GSDMB: variants seen among roughly 807,000 people sequenced by gnomAD.
GSDMB encodes gasdermin-B.
GSDMB carries 32 observed loss-of-function variants against 42.9 expected under a neutral mutation model. The observed-to-expected ratio is 0.75, with a 90% CI of 0.56 to 1.00. The LOEUF is 1.00. GSDMB is among the 50% of genes least tolerant of loss of function. GSDMB has a pLI of 0.00. For synonymous variants in GSDMB, 175 were observed against 193.7 expected, an observed-to-expected ratio of 0.90 and a Z score of 0.80; for missense variants, 468 against 498.5, an observed-to-expected ratio of 0.94 and a Z score of 0.58.
At chr17:39,912,280 G>C (rs1252954268) in intron 3 of GSDMB, 46 bp downstream of exon 3, 1 of 1,444,056 alleles carries the variant, frequency 6.9e-7, no homozygotes, top group Non-Finnish European at 9.6e-7. Context: ...TGGTGCCCAA[G>C]ATGGGCTTCT....
At position 39,917,086 on chromosome 17, in the gene GSDMB, G is replaced by A; in HGVS notation, c.231C>T (p.Leu77=). Residue 77 remains leucine, a synonymous_variant, in exon 2 of 11, where the codon CTC becomes CTT. Coordinates refer to ENST00000418519, the MANE Select transcript of GSDMB (RefSeq NM_001165958.2). ...DKWLDELDSG[L]QGQKAEFQIL... ...TGTCATCTACCTTATACTGACCTTG[G>A]AGCCCAGAATCCAGTTCATCTAACC... 2 of 1,610,910 alleles carry A rather than the reference G, an allele frequency of 1.2e-6. No individual in the cohort carries two copies. Among genetic ancestry groups the A allele is most frequent in the Admixed American group, 1.7e-5 (1 of 60,024 alleles).
At chr17:39,913,255 T>C (rs561118115) in intron 2 of GSDMB, among the ~76,000 whole-genome samples, 1 of 152,340 alleles carries the variant, frequency 6.6e-6, no homozygotes, top group South Asian at 2.1e-4. Flanking sequence ...GCCAGTCTTG[T>C]AGGCTGAAAC....
chr17:39,918,012 A>T (rs1422860296), intron 1 of GSDMB: 4 of 152,364 alleles, frequency 2.6e-5, no homozygotes, highest in Middle Eastern at 3.4e-3. Flanking sequence ...CCAAATAGAG[A>T]AAGTGAGACC....
chr17:39,917,582 T>TCCCCCCC lies in GSDMB; in HGVS notation c.-14-253_-14-252insGGGGGGG, dbSNP rs1270162211. On this transcript the variant is annotated intron_variant, in intron 1 of 10. Transcript: ENST00000418519. ...TGCCCCACCCTGATACAATATAGTC[T>TCCCCCCC]CCCCGCCGCCGCCCTTAAGAAGGTA... 13 of 368,052 alleles carry TCCCCCCC rather than the reference T, an allele frequency of 3.5e-5. No homozygotes were observed. In the African/African-American group the frequency reaches 5.9e-4, roughly 17 times the overall value. The allele number at this position is 368,052 out of a possible 1,614,324, so 22.8% of individuals were successfully genotyped here.
Position 39,906,975 on chromosome 17 carries a change from GCACCATCCTTCTCT to G in GSDMB, c.701-2_712del, listed in dbSNP as rs2063515964. ...ATCACCCTTACCTAAACAGGATGAA[GCACCATCCTTCTCT>G]GCAGAGAGAGGAAGAGTTATTTCAG... On this transcript the variant is annotated splice_acceptor_variant and coding_sequence_variant, in exon 7 of 11. Transcript: ENST00000418519. LOFTEE classifies it high-confidence loss of function. The G allele has an allele frequency of 6.2e-7, 1 of 1,613,878 alleles. No individual in the cohort carries two copies. Among genetic ancestry groups the G allele is most frequent in the Non-Finnish European group, 8.5e-7 (1 of 1,179,942 alleles).
chr17:39,908,080 A>ACATC, intron 6 of GSDMB, 96 bp downstream of exon 6: 1 of 771,266 alleles, frequency 1.3e-6, no homozygotes, highest in Non-Finnish European at 2.3e-6. Context: ...GCGTCTTACC[A>ACATC]CATCCTCGGA....
In GSDMB at chr17:39,909,799, A is replaced by T. The variant is rs748409191; in HGVS notation, c.533T>A (p.Phe178Tyr). The T allele has an allele frequency of 5.0e-6, 8 of 1,614,056 alleles. 1 individual carries two copies. ...ATGGCCCTGAGAGATCTGGCTCCAA[A>T]ATTTATATTGCCGGTCGCTTTTCAG... ...ETLKSDRQYK[F>Y]WSQISQGHLS... The change falls in exon 4 of 11, where the codon TTT becomes TAT. Residue 178 changes from phenylalanine (F) to tyrosine (Y), a missense_variant. Coordinates refer to ENST00000418519, the MANE Select transcript of GSDMB (RefSeq NM_001165958.2).
At position 39,908,166 on chromosome 17, in the gene GSDMB, G is replaced by T; in HGVS notation, c.700+10C>A. On this transcript the variant is annotated intron_variant, in intron 6 of 10. Transcript: ENST00000418519. ...GAAATGACGAACGGGAAGCCCAGCA[G>T]CTCACTCACCTTCTGGAAAGGATTT... The T allele has an allele frequency of 6.9e-7, 1 of 1,449,380 alleles. No individual in the cohort carries two copies. The highest frequency in any genetic ancestry group is 9.5e-7 in the Non-Finnish European group (1 of 1,052,280). The allele number at this position is 1,449,380 out of a possible 1,614,324, so 89.8% of individuals were successfully genotyped here.
At position 39,906,182 on chromosome 17, in the gene GSDMB, T is replaced by C. The variant is rs1419657394; in HGVS notation, c.817A>G (p.Arg273Gly). ...GCGAGGGAGTTTAGCACATCTTTTC[T>C]CTTCTCCTCTGTCAGGTCCTTGAGG... ...SVLKDLTEEK[R>G]KDVLNSLAKC... The change falls in exon 8 of 11, where the codon AGA becomes GGA. Residue 273 changes from arginine to glycine, a missense_variant. Arg to Gly is a moderately radical substitution (Grantham distance 125). Transcript: ENST00000418519. The C allele has an allele frequency of 2.5e-6, 4 of 1,614,136 alleles. No individual in the cohort carries two copies. The highest frequency in any genetic ancestry group is 2.5e-6 in the Non-Finnish European group (3 of 1,179,968).
In GSDMB at chr17:39,917,167, C is replaced by T. The variant is rs546795381; in HGVS notation, c.150G>A (p.Arg50=). Residue 50 remains arginine, a synonymous_variant, in exon 2 of 11, where the codon CGG becomes CGA. Coordinates refer to ENST00000418519, the MANE Select transcript of GSDMB (RefSeq NM_001165958.2). ...TCAGGGTGAGGCCTGTTGTGTAGTG[C>T]CGGCATCCAAAGAAAGTTCTCTTCT... The part of the protein sequence containing the change: ...VGEKRTFFGC[R]HYTTGLTLMD... 1.6e-5 allele frequency: 26 copies of T among 1,614,076 alleles called. No individual in the cohort carries two copies. In the South Asian group the frequency reaches 2.6e-4, roughly 16 times the overall value.
chr17:39,907,225 A>G, intron 6 of GSDMB: 1 of 1,332,262 alleles, frequency 7.5e-7, no homozygotes, highest in Non-Finnish European at 9.6e-7. Flanking sequence ...GGAAGAAGCC[A>G]AGGCCCAGAA....
intron 7 of GSDMB, chr17:39,906,686 G>GCC: frequency 9.5e-7 from 1 of 1,052,224 alleles, no homozygotes; most frequent in Non-Finnish European, 1.3e-6. Context: ...TGATGTCCAG[G>GCC]CCACACCCCC....
chr17:39,914,334 G>T (rs1016859473), intron 2 of GSDMB, among the ~76,000 whole-genome samples: 3 of 152,142 alleles, frequency 2.0e-5, no homozygotes, highest in Non-Finnish European at 4.4e-5. Context: ...GCTCAAAACT[G>T]CTAAGATTAT....
chr17:39,905,186 T>C (rs4795399), intron 10 of GSDMB: 244,568 of 607,346 alleles, frequency 0.4, 52,371 homozygotes, highest in Non-Finnish European at 0.45. Context: ...GCTGCTGTCC[T>C]GGGACTAACC....
At position 39,909,937 on chromosome 17, in the gene GSDMB, G is replaced by A; in HGVS notation, c.408-13C>T. ...CCTCTTCAGCTTCCTGGAGAGAGTG[G>A]AGAGAGATGAGAGTTAAGGATCTCA... is the stretch of plus-strand genomic sequence containing the variant. On this transcript the variant is annotated splice_polypyrimidine_tract_variant and intron_variant, in intron 3 of 10. Coordinates refer to ENST00000418519, the MANE Select transcript of GSDMB (RefSeq NM_001165958.2). 6.2e-7 allele frequency: 1 copy of A among 1,604,574 alleles called. No homozygotes were observed. Among genetic ancestry groups the A allele is most frequent in the South Asian group, 1.1e-5 (1 of 90,818 alleles).
In GSDMB at chr17:39,908,223, GCAC is replaced by G; in HGVS notation, c.662-12_662-10del. The G allele has an allele frequency of 6.7e-7, 1 of 1,486,458 alleles. No individual in the cohort carries two copies. The highest frequency in any genetic ancestry group is 9.2e-7 in the Non-Finnish European group (1 of 1,089,808). 92.1% of individuals were successfully genotyped at this position (1,486,458 alleles called of 1,614,324 possible). ...GCCCCTGAAATGAATATCTAAACCA[GCAC>G]CAAAAAGGGAGGAAAAAACAAGTTA... On this transcript the variant is annotated splice_polypyrimidine_tract_variant and intron_variant, in intron 5 of 10. Transcript: ENST00000418519.
chr17:39,906,361 AC>A, intron 7 of GSDMB, 90 bp from the exon 8 acceptor site: 4 of 1,260,312 alleles, frequency 3.2e-6, no homozygotes, highest in Non-Finnish European at 4.5e-6. Flanking sequence ...TCTTCTGGAG[AC>A]CACCTCTTTG....
Position 39,909,834 on chromosome 17 carries a change from C to T in GSDMB, c.498G>A (p.Lys166=). ...GCCGGTCGCTTTTCAGGGTTTCCTC[C>T]TTTACCGTCTCCAGAGTTTCTGTCA... ...YLVTETLETV[K]EETLKSDRQY... is the part of the protein sequence containing the mutation. Residue 166 remains lysine, a synonymous_variant, in exon 4 of 11, where the codon AAG becomes AAA. Transcript: ENST00000418519. 1 of 1,614,024 alleles carries T rather than the reference C, an allele frequency of 6.2e-7. No individual in the cohort carries two copies. Among genetic ancestry groups the T allele is most frequent in the East Asian group, 2.2e-5 (1 of 44,882 alleles).
In GSDMB at chr17:39,906,941, C is replaced by A. The variant is rs1441238010; in HGVS notation, c.727+20G>T. ...TGGGTTGGTGCAGCCACCCTGAACA[C>A]ACTTGGCTATCACCCTTACCTAAAC... On this transcript the variant is annotated intron_variant, in intron 7 of 10. Coordinates refer to ENST00000418519, the MANE Select transcript of GSDMB (RefSeq NM_001165958.2). 3 of 1,613,858 alleles carry A rather than the reference C, an allele frequency of 1.9e-6. No individual in the cohort carries two copies. In the African/African-American group the frequency reaches 4.0e-5, roughly 22 times the overall value.
Sources: allele counts gnomAD v4.1 joint callset (sites outside exome capture counted in the v4.1 genomes callset), GRCh38; gene constraint gnomAD v4.1.1; transcripts MANE v1.5; gene names NCBI Gene and HGNC (gene_info 2026-07-23, HGNC 2026-07-21).